Variants in UMAD1 observed in about 807,000 individuals in gnomAD.
The protein encoded by UMAD1 is UBAP1-MVB12-associated (UMA) domain containing 1, also known as UBAP1-MVB12-associated (UMA)-domain containing protein 1.
A neutral mutation model predicts 6.1 loss-of-function variants in UMAD1; 8 were observed. That is an observed-to-expected ratio of 1.30 (90% confidence interval 0.76 to 2.35). The LOEUF (loss-of-function observed/expected upper bound fraction) is 2.35, where lower values mean the gene tolerates loss of function less well. UMAD1 is among the 30% of genes most tolerant of loss of function. The pLI, the probability that UMAD1 is intolerant of heterozygous loss-of-function variation, is 0.00. For missense variants in UMAD1, 130 were observed against 78.4 expected, an observed-to-expected ratio of 1.66 and a Z score of -2.49; for synonymous variants, 56 against 31.4, an observed-to-expected ratio of 1.78 and a Z score of -2.61.
At chr7:7,663,970 T>G (rs1779367859) in intron 1 of UMAD1, among the ~76,000 whole-genome samples, 2 of 152,242 alleles carry the variant, frequency 1.3e-5, no homozygotes, top group South Asian at 4.1e-4. Flanking sequence ...TTCCTTCTAC[T>G]GATTAGATTT....
At chr7:7,666,382 T>G (rs1418160050) in intron 1 of UMAD1, among the ~76,000 whole-genome samples, 2 of 151,994 alleles carry the variant, frequency 1.3e-5, no homozygotes, top group Admixed American at 1.3e-4. Context: ...TTTTGTATTT[T>G]TTTGTAGTAG....
Position 7,878,404 on chromosome 7 carries a change from T to G in UMAD1, c.*866T>G, listed in dbSNP as rs1171860673. Reference sequence around the variant, plus strand: ...TGCTGATAACACCCTTATTTAGAAATTTGTTGGCCACAATAGAGATGGAAA... The same window carrying G: ...TGCTGATAACACCCTTATTTAGAAAGTTGTTGGCCACAATAGAGATGGAAA... On this transcript the variant is annotated 3_prime_UTR_variant, in exon 4 of 4. Coordinates refer to ENST00000682710, the MANE Select transcript of UMAD1 (RefSeq NM_001302348.2). 2 of 152,208 alleles carry G rather than the reference T, an allele frequency of 1.3e-5. No individual in the cohort carries two copies. Among genetic ancestry groups the G allele is most frequent in the African/African-American group, 4.8e-5 (2 of 41,452 alleles). The allele number at this position is 152,208 out of a possible 1,614,324, so 9.4% of individuals were successfully genotyped here. A position where few individuals can be genotyped will look rare whatever the true frequency, so the allele number is the denominator to read the frequency against.
chr7:7,824,635 A>G (rs542725669), intron 3 of UMAD1, among the ~76,000 whole-genome samples: 2 of 152,262 alleles, frequency 1.3e-5, no homozygotes, highest in African/African-American at 4.8e-5. Flanking sequence ...GTTTATTTAC[A>G]TGACAATCAC....
chr7:7,828,228 G>C (rs1455814079), intron 3 of UMAD1, among the ~76,000 whole-genome samples: 1 of 152,200 alleles, frequency 6.6e-6, no homozygotes, highest in Non-Finnish European at 1.5e-5. Flanking sequence ...GGATGAATGA[G>C]ATCCGGCATT....
At chr7:7,724,598 C>T (rs1425850707) in intron 2 of UMAD1, among the ~76,000 whole-genome samples, 1 of 152,180 alleles carries the variant, frequency 6.6e-6, no homozygotes, top group Non-Finnish European at 1.5e-5. Context: ...TGGTGATTCC[C>T]ACCACATCCC....
rs1250261083 is a variant in UMAD1 at position 7,693,295 on chromosome 7, TTATC to T, written c.82+19881_82+19884del. On this transcript the variant is annotated intron_variant, in intron 2 of 3. Coordinates refer to ENST00000682710, the MANE Select transcript of UMAD1 (RefSeq NM_001302348.2). ...ATGAATAGTTACTCTTAAAATATCT[TTATC>T]TATCTATCTATCTATCTATCTATCT... 6.6e-3 allele frequency among the ~76,000 whole-genome samples: 976 copies of T among 148,986 alleles called. 11 individuals carry two copies. Among genetic ancestry groups the T allele is most frequent in the African/African-American group, 0.019 (781 of 40,318 alleles).
intron 2 of UMAD1, among the ~76,000 whole-genome samples, chr7:7,730,273 C>T (rs137956936): frequency 1.5e-4 from 23 of 152,274 alleles, no homozygotes; most frequent in Non-Finnish European, 2.2e-4. Flanking sequence ...CCAATGTCTG[C>T]GATTTACTCC....
At chr7:7,774,714 C>A (rs1782167084) in intron 2 of UMAD1, among the ~76,000 whole-genome samples, 1 of 152,242 alleles carries the variant, frequency 6.6e-6, no homozygotes, top group South Asian at 2.1e-4. Context: ...ATTCCCAACC[C>A]ACTGCTTTCT....
At chr7:7,694,097 G>T (rs113661245) in intron 2 of UMAD1, among the ~76,000 whole-genome samples, 1 of 152,018 alleles carries the variant, frequency 6.6e-6, no homozygotes, top group East Asian at 1.9e-4. Context: ...CTATAGAGGG[G>T]CACTATGAAG....
chr7:7,781,862 T>C (rs546025661), intron 2 of UMAD1, among the ~76,000 whole-genome samples: 19 of 111,840 alleles, frequency 1.7e-4, no homozygotes, highest in East Asian at 9.2e-4. Flanking sequence ...AGAAAAATGG[T>C]AACCTTGAAA....
chr7:7,877,189 G>A (rs758457610), intron 3 of UMAD1, 92 bp from the exon 4 acceptor site: 13 of 639,604 alleles, frequency 2.0e-5, no homozygotes, highest in Non-Finnish European at 3.5e-5. Flanking sequence ...AGCCCACATT[G>A]CTCAATCATT....
At chr7:7,875,268 CAATT>C (rs1784396222) in intron 3 of UMAD1, among the ~76,000 whole-genome samples, 1 of 152,078 alleles carries the variant, frequency 6.6e-6, no homozygotes, top group Non-Finnish European at 1.5e-5. Context: ...TCTAACATAA[CAATT>C]AAAAGAACTA....
intron 2 of UMAD1, among the ~76,000 whole-genome samples, chr7:7,753,955 G>A (rs1335443016): frequency 6.6e-6 from 1 of 152,064 alleles, no homozygotes; most frequent in Non-Finnish European, 1.5e-5. Context: ...AGGCCGAGAC[G>A]GGTGGATCAC....
intron 3 of UMAD1, among the ~76,000 whole-genome samples, chr7:7,808,633 A>G (rs1477834981): frequency 6.6e-6 from 1 of 151,946 alleles, no homozygotes. Flanking sequence ...GGTTGAACTT[A>G]AATTTCTTGT....
chr7:7,840,316 G>T (rs1385762163), intron 3 of UMAD1, among the ~76,000 whole-genome samples: 2 of 152,062 alleles, frequency 1.3e-5, no homozygotes, highest in African/African-American at 4.8e-5. Flanking sequence ...ATATGCTCGT[G>T]GTCTTCAACC....
chr7:7,729,457 CGTG>C (rs1376403099), intron 2 of UMAD1, among the ~76,000 whole-genome samples: 27 of 152,210 alleles, frequency 1.8e-4, no homozygotes, highest in Admixed American at 1.8e-3. Context: ...CTGTCACACA[CGTG>C]GTACTTGGCT....
chr7:7,827,143 A>ATGTGTG (rs1360833680), intron 3 of UMAD1, among the ~76,000 whole-genome samples: 21 of 135,208 alleles, frequency 1.6e-4, no homozygotes, highest in African/African-American at 5.2e-4. Context: ...ATATATATAT[A>ATGTGTG]TATATGTGTG....
At chr7:7,719,568 G>A (rs774332619) in intron 2 of UMAD1, among the ~76,000 whole-genome samples, 4 of 152,076 alleles carry the variant, frequency 2.6e-5, no homozygotes, top group Non-Finnish European at 4.4e-5. Flanking sequence ...TCTCACAAGG[G>A]ATTTCACAAA....
intron 3 of UMAD1, among the ~76,000 whole-genome samples, chr7:7,803,012 A>G (rs1782833309): frequency 6.6e-6 from 1 of 152,258 alleles, no homozygotes; most frequent in South Asian, 2.1e-4. Context: ...CTTTCTCATG[A>G]AACTGTGCAT....
Sources: allele counts gnomAD v4.1 joint callset (sites outside exome capture counted in the v4.1 genomes callset), GRCh38; gene constraint gnomAD v4.1.1; transcripts MANE v1.5; gene names NCBI Gene and HGNC (gene_info 2026-07-23, HGNC 2026-07-21).